Variants in HDAC9 observed in about 807,000 individuals in gnomAD.
HDAC9 encodes MEF-2 interacting transcription repressor (MITR) protein.
HDAC9 carries 41 observed loss-of-function variants against 139.4 expected under a neutral mutation model. That is an observed-to-expected ratio of 0.29 (90% confidence interval 0.23 to 0.38). HDAC9 has a LOEUF of 0.38. Ranked by LOEUF, HDAC9 falls within the 10% of genes least tolerant of loss-of-function variation. The pLI is 1.00. For missense variants in HDAC9, 1,147 were observed against 1,297.0 expected (o/e 0.88, Z 1.78); for synonymous variants, 517 against 476.2 (o/e 1.09, Z -1.12).
chr7:18,809,093 G>A (rs1793964177), intron 17 of HDAC9, among the ~76,000 whole-genome samples: 1 of 151,952 alleles, frequency 6.6e-6, no homozygotes, highest in South Asian at 2.1e-4. Flanking sequence ...AATGGGGAAA[G>A]GATAATCTCT....
intron 6 of HDAC9, among the ~76,000 whole-genome samples, chr7:18,610,480 A>G (rs1222703986): frequency 1.3e-5 from 2 of 152,158 alleles, no homozygotes; most frequent in African/African-American, 4.8e-5. Flanking sequence ...TTCCCCGGTC[A>G]TTCTGATAAA....
At chr7:18,530,385 G>A (rs1211613626) in intron 2 of HDAC9, among the ~76,000 whole-genome samples, 3 of 152,106 alleles carry the variant, frequency 2.0e-5, no homozygotes, top group Admixed American at 6.6e-5. Flanking sequence ...TGTGAAGTTA[G>A]CCAACACATG....
In HDAC9 at chr7:18,824,090, C is replaced by CAAG. The variant is rs796695519; in HGVS notation, c.2323-5068_2323-5066dup. Among the ~76,000 whole-genome samples the CAAG allele has an allele frequency of 3.6e-3, 448 of 123,204 alleles. 1 individual carries two copies. Among genetic ancestry groups the CAAG allele is most frequent in the African/African-American group, 0.011 (357 of 33,530 alleles). 80.8% of individuals were successfully genotyped at this position (123,204 alleles called of 152,430 possible). A position where few individuals can be genotyped will look rare whatever the true frequency, so the allele number is the denominator to read the frequency against. On this transcript the variant is annotated intron_variant, in intron 17 of 25. Coordinates refer to ENST00000686413, the MANE Select transcript of HDAC9 (RefSeq NM_178425.4). ...AGAAGAAGAAGAAGAAGAAGAAGAA[C>CAAG]AAGAACAAGAAGGAGAAGAAGAAGA...
chr7:18,666,472 A>G lies in HDAC9; in HGVS notation c.1727A>G (p.Gln576Arg). The G allele has an allele frequency of 6.2e-7, 1 of 1,607,956 alleles. No homozygotes were observed. The highest frequency in any genetic ancestry group is 8.5e-7 in the Non-Finnish European group (1 of 1,176,642). ...MESGEQAAFMQQPFLEPTHTR... is the reference protein window; with the variant it reads ...MESGEQAAFMRQPFLEPTHTR... The stretch of plus-strand genomic sequence containing the variant: ...TCTGGGGAGCAGGCTGCTTTTATGC[A>G]ACAGGTAATAGGCAAAGATTTAGCT... Residue 576 changes from glutamine (Q) to arginine (R), a missense_variant, in exon 12 of 26, where the codon CAA (glutamine) becomes CGA (arginine). Physicochemically the swap from Gln to Arg is conservative, Grantham distance 43. Coordinates refer to ENST00000686413, the MANE Select transcript of HDAC9 (RefSeq NM_178425.4).
At chr7:18,748,896 A>G (rs1788209435) in intron 13 of HDAC9, 109 bp from the exon 14 acceptor site, 3 of 1,059,510 alleles carry the variant, frequency 2.8e-6, no homozygotes, top group Non-Finnish European at 4.1e-6. Flanking sequence ...CCTTTGTTAA[A>G]TTTATTTTAA....
chr7:18,491,845 G>A (rs1268093383), upstream of HDAC9, among the ~76,000 whole-genome samples: 2 of 151,820 alleles, frequency 1.3e-5, no homozygotes. Context: ...ATTGAGGGGA[G>A]ATCTTCTTCA....
intron 1 of HDAC9, among the ~76,000 whole-genome samples, chr7:18,348,479 T>C (rs1038232731): frequency 3.9e-5 from 6 of 152,138 alleles, no homozygotes; most frequent in African/African-American, 1.4e-4. Flanking sequence ...CCCCAAGAAA[T>C]GCTTAATTTT....
At chr7:18,122,411 A>G (rs1366573371) in intron 1 of HDAC9, among the ~76,000 whole-genome samples, 6 of 152,196 alleles carry the variant, frequency 3.9e-5, no homozygotes, top group Non-Finnish European at 5.9e-5. Flanking sequence ...AGTTGTCACA[A>G]TGTCTCTGGG....
chr7:18,790,415 G>A (rs555656061), intron 16 of HDAC9, among the ~76,000 whole-genome samples: 245 of 49,048 alleles, frequency 5.0e-3, no homozygotes, highest in African/African-American at 0.019. Flanking sequence ...GGGCATGTGA[G>A]GATGTAGCAG....
rs1401142741 is a variant in HDAC9, at chr7:18,997,791, T to A, written c.*1729T>A. The A allele has an allele frequency of 6.6e-6, 1 of 152,088 alleles. No homozygotes were observed. Among genetic ancestry groups the A allele is most frequent in the Non-Finnish European group, 1.5e-5 (1 of 67,980 alleles). The allele number at this position is 152,088 out of a possible 1,614,324, so 9.4% of individuals were successfully genotyped here. On this transcript the variant is annotated 3_prime_UTR_variant, in exon 26 of 26. Coordinates refer to ENST00000686413, the MANE Select transcript of HDAC9 (RefSeq NM_178425.4). ...CAGACCATATTTTTCATGCATTTGGTTTTTTTAGGATTACCATTTTAATTT... is the reference window on the plus strand; with the variant it reads ...CAGACCATATTTTTCATGCATTTGGATTTTTTAGGATTACCATTTTAATTT...
Position 18,767,166 on chromosome 7 carries a change from GT to G in HDAC9, c.2214+13del. 1 of 1,538,526 alleles carries G rather than the reference GT, an allele frequency of 6.5e-7. No homozygotes were observed. The highest frequency in any genetic ancestry group is 8.8e-7 in the Non-Finnish European group (1 of 1,131,636). ...TGTGGTGGACTTGGGGTAAGTACAAGTTGGTTTACTGCCTTTAAATAACATA... is the reference window on the plus strand; with the variant it reads ...TGTGGTGGACTTGGGGTAAGTACAAGTGGTTTACTGCCTTTAAATAACATA... On this transcript the variant is annotated intron_variant, in intron 16 of 25. Coordinates refer to ENST00000686413, the MANE Select transcript of HDAC9 (RefSeq NM_178425.4).
intron 1 of HDAC9, among the ~76,000 whole-genome samples, chr7:18,107,072 G>T (rs965579368): frequency 6.6e-6 from 1 of 152,040 alleles, no homozygotes; most frequent in African/African-American, 2.4e-5. Context: ...TAGTGGACTG[G>T]GTATGCAACT....
At chr7:18,699,865 CT>C (rs1185157951) in intron 12 of HDAC9, among the ~76,000 whole-genome samples, 2 of 151,862 alleles carry the variant, frequency 1.3e-5, no homozygotes, top group East Asian at 1.9e-4. Context: ...CTTCAAAGTC[CT>C]TTTTTTGTAT....
At chr7:18,120,535 G>A (rs560301128) in intron 1 of HDAC9, among the ~76,000 whole-genome samples, 2 of 151,420 alleles carry the variant, frequency 1.3e-5, no homozygotes, top group Admixed American at 6.6e-5. Context: ...CTTCATCCTC[G>A]TTTCTTCATT....
At chr7:18,975,709 T>C in intron 24 of HDAC9, 97 bp from the exon 25 acceptor site, 1 of 1,190,396 alleles carries the variant, frequency 8.4e-7, no homozygotes, top group Non-Finnish European at 1.2e-6. Context: ...TGGGGAATTT[T>C]AACTTAACAA....
At chr7:18,683,556 C>T (rs1782041412) in intron 12 of HDAC9, among the ~76,000 whole-genome samples, 1 of 152,096 alleles carries the variant, frequency 6.6e-6, no homozygotes, top group South Asian at 2.1e-4. Flanking sequence ...AGTTTCATGA[C>T]CTCTGTTATC....
At chr7:18,094,505 A>G (rs1255531384) in intron 1 of HDAC9, among the ~76,000 whole-genome samples, 2 of 149,890 alleles carry the variant, frequency 1.3e-5, no homozygotes, top group Non-Finnish European at 2.9e-5. Context: ...ATCACAGCTC[A>G]GTATAACCTT....
chr7:18,372,648 C>T (rs1230924921), intron 1 of HDAC9, among the ~76,000 whole-genome samples: 1 of 152,182 alleles, frequency 6.6e-6, no homozygotes, highest in East Asian at 1.9e-4. Context: ...AACATGAGAA[C>T]ATCACGACAG....
chr7:18,321,672 A>T (rs1298886029), intron 1 of HDAC9, among the ~76,000 whole-genome samples: 2 of 152,100 alleles, frequency 1.3e-5, no homozygotes, highest in African/African-American at 4.8e-5. Flanking sequence ...TTCCTGTCTG[A>T]TTTTAGGTAG....
Sources: allele counts gnomAD v4.1 joint callset (sites outside exome capture counted in the v4.1 genomes callset), GRCh38; gene constraint gnomAD v4.1.1; transcripts MANE v1.5; gene names NCBI Gene and HGNC (gene_info 2026-07-23, HGNC 2026-07-21).